The following MTDH variants were observed in gnomAD, a reference collection of about 807,000 sequenced individuals.
The protein encoded by MTDH is protein LYRIC.
A neutral mutation model predicts 72.7 loss-of-function variants in MTDH; 34 were observed. That is an observed-to-expected ratio of 0.47 (90% CI 0.36 to 0.62). MTDH has a LOEUF of 0.62. MTDH is among the 20% of genes least tolerant of loss of function. MTDH has a pLI of 0.00. For synonymous variants in MTDH, 266 were observed against 268.9 expected (o/e 0.99, Z 0.10); for missense variants, 677 against 699.4 (o/e 0.97, Z 0.36).
intron 1 of MTDH, among the ~76,000 whole-genome samples, chr8:97,646,937 T>G (rs1811585967): frequency 6.6e-6 from 1 of 152,214 alleles, no homozygotes; most frequent in African/African-American, 2.4e-5. Flanking sequence ...AGAAATACAT[T>G]TTACATTACA....
chr8:97,719,127 G>C lies in MTDH; in HGVS notation c.1459G>C (p.Ala487Pro). Residue 487 changes from alanine (A) to proline (P), a missense_variant, in exon 10 of 12, where the codon GCT becomes CCT. By Grantham distance (27) the Ala-to-Pro change is conservative. Coordinates refer to ENST00000336273, the MANE Select transcript of MTDH (RefSeq NM_178812.4). Reference protein sequence around the residue: ...TSKTRPKQEKAFSLKTISTSD... With the variant: ...TSKTRPKQEKPFSLKTISTSD... Reference sequence around the variant, plus strand: ...TAAAACCCGTCCAAAACAGGAAAAAGCTTTTTCCTTGAAGACCATAAGCAC... The same window carrying C: ...TAAAACCCGTCCAAAACAGGAAAAACCTTTTTCCTTGAAGACCATAAGCAC... 1.2e-6 allele frequency: 2 copies of C among 1,614,070 alleles called. No individual in the cohort carries two copies. The highest frequency in any genetic ancestry group is 1.7e-6 in the Non-Finnish European group (2 of 1,179,984).
chr8:97,644,334 C>G lies in MTDH; in HGVS notation c.-173C>G. The G allele has an allele frequency of 1.2e-6, 1 of 827,418 alleles. No individual in the cohort carries two copies. Among genetic ancestry groups the G allele is most frequent in the Non-Finnish European group, 1.8e-6 (1 of 567,542 alleles). 51.3% of individuals were successfully genotyped at this position (827,418 alleles called of 1,614,324 possible). A position where few individuals can be genotyped will look rare whatever the true frequency, so the allele number is the denominator to read the frequency against. On this transcript the variant is annotated 5_prime_UTR_variant, in exon 1 of 12. Transcript: ENST00000336273. The stretch of plus-strand genomic sequence containing the variant: ...GCTGACAGCGGGGAACCTGGGAGAC[C>G]CCTCCGCCCTCCCCGCGGTGGCAGC...
chr8:97,644,974 G>A, intron 1 of MTDH, 87 bp downstream of exon 1: 1 of 1,420,066 alleles, frequency 7.0e-7, no homozygotes, highest in Admixed American at 3.1e-5. Context: ...CCCCAGCCGG[G>A]AAGGAAAAGA....
At chr8:97,723,762 C>G (rs1806289442) in intron 11 of MTDH, among the ~76,000 whole-genome samples, 1 of 150,560 alleles carries the variant, frequency 6.6e-6, no homozygotes, top group Admixed American at 6.6e-5. Flanking sequence ...AGAGAAAATG[C>G]TAAATTTTTT....
At chr8:97,702,293 A>T (rs915103347) in intron 7 of MTDH, among the ~76,000 whole-genome samples, 1 of 152,316 alleles carries the variant, frequency 6.6e-6, no homozygotes, top group East Asian at 1.9e-4. Context: ...CTTCAGCATA[A>T]TGGAGTGGTT....
At chr8:97,667,067 T>C (rs1812422298) in intron 2 of MTDH, among the ~76,000 whole-genome samples, 1 of 152,192 alleles carries the variant, frequency 6.6e-6, no homozygotes, top group African/African-American at 2.4e-5. Context: ...TCATGCTCAC[T>C]GCAGCCTCGA....
chr8:97,673,169 G>A (rs79676537), intron 2 of MTDH, among the ~76,000 whole-genome samples: 4,776 of 152,128 alleles, frequency 0.031, 276 homozygotes, highest in African/African-American at 0.11. Flanking sequence ...AAACTTAGTC[G>A]GGAAAACAAC....
At chr8:97,663,217 C>G (rs1241097042) in intron 2 of MTDH, among the ~76,000 whole-genome samples, 3 of 152,034 alleles carry the variant, frequency 2.0e-5, no homozygotes, top group Non-Finnish European at 4.4e-5. Context: ...CTACCATTAA[C>G]CTCTTAGTGA....
At chr8:97,705,079 A>C (rs1468342092) in intron 7 of MTDH, among the ~76,000 whole-genome samples, 1 of 152,090 alleles carries the variant, frequency 6.6e-6, no homozygotes, top group African/African-American at 2.4e-5. Context: ...CAGGTGGATC[A>C]AGAGGTCAGG....
At chr8:97,722,702 T>A (rs370556225) in intron 10 of MTDH, among the ~76,000 whole-genome samples, 177 bp from the exon 11 acceptor site, 1 of 152,202 alleles carries the variant, frequency 6.6e-6, no homozygotes, top group African/African-American at 2.4e-5. Context: ...TTCATAAATG[T>A]TGTAGGTGAT....
At chr8:97,646,356 T>C (rs1811562950) in intron 1 of MTDH, among the ~76,000 whole-genome samples, 3 of 152,080 alleles carry the variant, frequency 2.0e-5, no homozygotes. Flanking sequence ...GAGGAGAAAA[T>C]AGAACTGATT....
chr8:97,667,970 GT>G (rs1358641273), intron 2 of MTDH, among the ~76,000 whole-genome samples: 3 of 151,840 alleles, frequency 2.0e-5, no homozygotes, highest in Admixed American at 1.3e-4. Flanking sequence ...AATATATGTT[GT>G]TTAATGGAAT....
chr8:97,720,873 C>T (rs1317942919), intron 10 of MTDH, among the ~76,000 whole-genome samples: 13 of 151,654 alleles, frequency 8.6e-5, no homozygotes, highest in Admixed American at 3.3e-4. Context: ...AGGCTAGTCT[C>T]GAACTCCTGA....
chr8:97,656,178 G>A (rs1469535516), intron 1 of MTDH, among the ~76,000 whole-genome samples: 3 of 151,928 alleles, frequency 2.0e-5, no homozygotes, highest in Non-Finnish European at 4.4e-5. Context: ...GGTTCTATGT[G>A]ATTTCATTTT....
rs1563514259 is a variant in MTDH, at chr8:97,644,685, GGCTGCTGCT to G, written c.184_192del (p.Leu62_Leu64del). On this transcript the variant is annotated inframe_deletion, in exon 1 of 12. Coordinates refer to ENST00000336273, the MANE Select transcript of MTDH (RefSeq NM_178812.4). Reference sequence around the variant, plus strand: ...ATCCTGGTGGGCACTGGCGCGCTCGGGCTGCTGCTGCTGTTTCTGCTGGGCTACGGCTGG... The same window carrying G: ...ATCCTGGTGGGCACTGGCGCGCTCGGGCTGTTTCTGCTGGGCTACGGCTGG... 6.2e-7 allele frequency: 1 copy of G among 1,604,168 alleles called. No homozygotes were observed.
chr8:97,687,058 C>T (rs1217802192), intron 3 of MTDH, among the ~76,000 whole-genome samples: 1 of 151,950 alleles, frequency 6.6e-6, no homozygotes, highest in East Asian at 1.9e-4. Context: ...CCCCGTGGTT[C>T]TTAAATATAC....
At chr8:97,709,869 A>C (rs1003899836) in intron 8 of MTDH, among the ~76,000 whole-genome samples, 3 of 152,222 alleles carry the variant, frequency 2.0e-5, no homozygotes, top group African/African-American at 7.2e-5. Flanking sequence ...TCAAAATCTC[A>C]ACTCTTTCAT....
At chr8:97,664,903 G>A (rs1586215839) in intron 2 of MTDH, among the ~76,000 whole-genome samples, 2 of 152,172 alleles carry the variant, frequency 1.3e-5, no homozygotes, top group Non-Finnish European at 2.9e-5. Context: ...TGGGATTATA[G>A]GCACGCACCA....
chr8:97,655,322 A>G (rs558346602), intron 1 of MTDH, among the ~76,000 whole-genome samples: 1 of 152,276 alleles, frequency 6.6e-6, no homozygotes, highest in African/African-American at 2.4e-5. Context: ...CTTTGTTTCA[A>G]GGTGTTAAGA....
Sources: gnomAD v4.1 joint callset for allele counts (sites outside exome capture counted in the v4.1 genomes callset) on GRCh38, gnomAD v4.1.1 for gene constraint, MANE v1.5 for transcripts, NCBI Gene and HGNC (gene_info 2026-07-23, HGNC 2026-07-21) for gene names.